CCDC172: variants seen among roughly 807,000 people sequenced by gnomAD.
CCDC172 encodes the protein coiled-coil domain containing 172, also known as coiled-coil domain-containing protein 172.
CCDC172 carries 30 observed loss-of-function variants against 38.0 expected under a neutral mutation model. The observed-to-expected ratio is 0.79, with a 90% CI of 0.59 to 1.07. The LOEUF is 1.07. CCDC172 is among the 50% of genes least tolerant of loss of function. The pLI, the probability that CCDC172 is intolerant of heterozygous loss-of-function variation, is 0.00. For missense variants in CCDC172, 297 were observed against 290.1 expected, an observed-to-expected ratio of 1.02 and a Z score of -0.17; for synonymous variants, 78 against 88.3, an observed-to-expected ratio of 0.88 and a Z score of 0.66.
rs1005060410 is a variant in CCDC172 at position 116,342,417 on chromosome 10, A to T, written c.448+216A>T. The T allele has an allele frequency of 7.7e-6, 3 of 390,624 alleles. No homozygotes were observed. In the South Asian group the frequency reaches 1.1e-4, roughly 14 times the overall value. 24.2% of individuals were successfully genotyped at this position (390,624 alleles called of 1,614,324 possible). ...GACATGAACATTTGGTCATTCATTT[A>T]ATAAATAAATATCTGTTATGTGATA... On this transcript the variant is annotated intron_variant, in intron 5 of 8. Transcript: ENST00000333254.
At chr10:116,330,574 C>T (rs1844649117) in intron 3 of CCDC172, among the ~76,000 whole-genome samples, 1 of 151,842 alleles carries the variant, frequency 6.6e-6, no homozygotes, top group South Asian at 2.1e-4. Context: ...AAGGAGCTAC[C>T]ACATGGTGAA....
intron 3 of CCDC172, among the ~76,000 whole-genome samples, chr10:116,337,657 A>C (rs1333778220): frequency 6.6e-6 from 1 of 152,178 alleles, no homozygotes; most frequent in Non-Finnish European, 1.5e-5. Flanking sequence ...ATAAATGTTC[A>C]AGCTACATAG....
chr10:116,372,468 G>A (rs1272688533), intron 7 of CCDC172, among the ~76,000 whole-genome samples: 1 of 152,036 alleles, frequency 6.6e-6, no homozygotes, highest in African/African-American at 2.4e-5. Context: ...CTCAGTGCCT[G>A]CGTTCCAGCC....
chr10:116,379,765 G>A lies in CCDC172; in HGVS notation c.*407G>A, dbSNP rs1845290353. Reference sequence around the variant, plus strand: ...AGGTGGGTCCTGATAGGAGGTGATTGGGTCATGGGGGTGGGTTTCTCATGA... The same window carrying A: ...AGGTGGGTCCTGATAGGAGGTGATTAGGTCATGGGGGTGGGTTTCTCATGA... On this transcript the variant is annotated 3_prime_UTR_variant, in exon 9 of 9. Coordinates refer to ENST00000333254, the MANE Select transcript of CCDC172 (RefSeq NM_198515.3). 1 of 155,654 alleles carries A rather than the reference G, an allele frequency of 6.4e-6. No individual in the cohort carries two copies. The highest frequency in any genetic ancestry group is 2.4e-5 in the African/African-American group (1 of 41,536). 9.6% of individuals were successfully genotyped at this position (155,654 alleles called of 1,614,324 possible).
intron 3 of CCDC172, among the ~76,000 whole-genome samples, chr10:116,337,040 A>G (rs1271133954): frequency 6.6e-6 from 1 of 151,256 alleles, no homozygotes; most frequent in African/African-American, 2.5e-5. Flanking sequence ...AAGGAAAGGA[A>G]AAACAGTCTT....
In CCDC172 at chr10:116,340,730, G is replaced by A; in HGVS notation, c.166-4G>A. 6.9e-7 allele frequency: 1 copy of A among 1,447,634 alleles called. No homozygotes were observed. The highest frequency in any genetic ancestry group is 9.6e-7 in the Non-Finnish European group (1 of 1,041,344). 89.7% of individuals were successfully genotyped at this position (1,447,634 alleles called of 1,614,324 possible). On this transcript the variant is annotated splice_polypyrimidine_tract_variant and splice_region_variant and intron_variant, in intron 3 of 8. Transcript: ENST00000333254. ...ATTCTGATTTCTGTTTTTGTACTTTGAAGGTTCAACAGTTTTTTGAAAAAT... is the reference window on the plus strand; with the variant it reads ...ATTCTGATTTCTGTTTTTGTACTTTAAAGGTTCAACAGTTTTTTGAAAAAT...
rs139433457 is a variant in CCDC172 at position 116,363,422 on chromosome 10, T to G, written c.653+5484T>G. Reference sequence around the variant, plus strand: ...CAACTTTCATACCCACTTTCAGAAATAAATTATATATGAAATTGGAGTACT... The same window carrying G: ...CAACTTTCATACCCACTTTCAGAAAGAAATTATATATGAAATTGGAGTACT... On this transcript the variant is annotated intron_variant, in intron 7 of 8. Coordinates refer to ENST00000333254, the MANE Select transcript of CCDC172 (RefSeq NM_198515.3). Among the ~76,000 whole-genome samples the G allele has an allele frequency of 2.6e-5, 4 of 152,298 alleles. No homozygotes were observed. In the East Asian group the frequency reaches 7.7e-4, roughly 29 times the overall value.
intron 7 of CCDC172, among the ~76,000 whole-genome samples, chr10:116,365,236 A>G (rs1845109493): frequency 6.6e-6 from 1 of 152,180 alleles, no homozygotes; most frequent in Non-Finnish European, 1.5e-5. Flanking sequence ...TCTAAATTCT[A>G]CAGCTTGATT....
chr10:116,349,891 A>T lies in CCDC172; in HGVS notation c.449-7489A>T, dbSNP rs1167493246. Reference sequence around the variant, plus strand: ...TGGGGTGTGTGGTACAGTTTTACATAGATGTCCAGGGAAAGCCTCATTAAT... The same window carrying T: ...TGGGGTGTGTGGTACAGTTTTACATTGATGTCCAGGGAAAGCCTCATTAAT... On this transcript the variant is annotated intron_variant, in intron 5 of 8. Coordinates refer to ENST00000333254, the MANE Select transcript of CCDC172 (RefSeq NM_198515.3). 3.3e-5 allele frequency among the ~76,000 whole-genome samples: 5 copies of T among 152,148 alleles called. No individual in the cohort carries two copies. The East Asian group carries it at 9.7e-4, about 29-fold the overall frequency.
chr10:116,330,984 C>T (rs1844655772), intron 3 of CCDC172, among the ~76,000 whole-genome samples: 1 of 152,098 alleles, frequency 6.6e-6, no homozygotes, highest in African/African-American at 2.4e-5. Flanking sequence ...AGGTGATCCT[C>T]CCACTTTGGT....
At chr10:116,370,174 G>T (rs969477918) in intron 7 of CCDC172, among the ~76,000 whole-genome samples, 2 of 148,756 alleles carry the variant, frequency 1.3e-5, no homozygotes, top group African/African-American at 2.4e-5. Flanking sequence ...ACTTACGGTG[G>T]TTTTTGCTAC....
intron 7 of CCDC172, among the ~76,000 whole-genome samples, chr10:116,374,799 T>G (rs779542456): frequency 2.6e-5 from 4 of 151,494 alleles, no homozygotes; most frequent in South Asian, 4.2e-4. Context: ...ATATGCCAAG[T>G]AAAAGACAGA....
At chr10:116,362,433 G>A (rs572429803) in intron 7 of CCDC172, among the ~76,000 whole-genome samples, 2 of 152,270 alleles carry the variant, frequency 1.3e-5, no homozygotes, top group East Asian at 3.9e-4. Context: ...GGATGTACAA[G>A]ATAGTTTCTA....
chr10:116,371,887 T>A (rs1162823352), intron 7 of CCDC172, among the ~76,000 whole-genome samples: 1 of 152,080 alleles, frequency 6.6e-6, no homozygotes, highest in Non-Finnish European at 1.5e-5. Flanking sequence ...TAAACAAATT[T>A]CTTCCACCAT....
At chr10:116,351,625 T>C (rs1304308506) in intron 5 of CCDC172, among the ~76,000 whole-genome samples, 1 of 152,036 alleles carries the variant, frequency 6.6e-6, no homozygotes, top group Non-Finnish European at 1.5e-5. Context: ...CGTATCGTCA[T>C]GAGGAATAAT....
chr10:116,325,172 G>A (rs1844575436), intron 2 of CCDC172, 82 bp downstream of exon 2: 8 of 1,531,180 alleles, frequency 5.2e-6, no homozygotes, highest in Non-Finnish European at 4.5e-6. Context: ...CCCGAAGGCA[G>A]TGGTCAGAGC....
intron 5 of CCDC172, among the ~76,000 whole-genome samples, chr10:116,352,775 GA>G (rs796349911): frequency 0.014 from 1,927 of 137,910 alleles, 46 homozygotes; most frequent in African/African-American, 0.045. Flanking sequence ...GAGCAATTAG[GA>G]AAAAAAAAAA....
At chr10:116,342,351 C>T (rs1844806519) in intron 5 of CCDC172, 150 bp downstream of exon 5, 1 of 557,550 alleles carries the variant, frequency 1.8e-6, no homozygotes, top group Admixed American at 4.2e-5. Context: ...GAAGATGTAT[C>T]TTCTATTGTG....
intron 1 of CCDC172, 149 bp downstream of exon 1, chr10:116,324,762 T>C (rs538453854): frequency 3.9e-6 from 2 of 509,856 alleles, no homozygotes; most frequent in East Asian, 6.7e-5. Context: ...TTGTAAACTG[T>C]AACGGGAAAC....
Sources: allele counts gnomAD v4.1 joint callset (sites outside exome capture counted in the v4.1 genomes callset), GRCh38; gene constraint gnomAD v4.1.1; transcripts MANE v1.5; gene names NCBI Gene and HGNC (gene_info 2026-07-23, HGNC 2026-07-21).